The following SGPP2 variants were observed in gnomAD, a reference collection of about 807,000 sequenced individuals.
SGPP2 encodes sphingosine 1-phosphate phosphohydrolase 2.
A neutral mutation model predicts 33.9 loss-of-function variants in SGPP2; 30 were observed. The observed-to-expected ratio is 0.89, with a 90% confidence interval of 0.66 to 1.20. SGPP2 has a LOEUF of 1.20. Ranked by LOEUF, SGPP2 falls within the 50% of genes most tolerant of loss-of-function variation. The pLI is 0.00. For synonymous variants in SGPP2, 233 were observed against 225.0 expected, an observed-to-expected ratio of 1.04 and a Z score of -0.32; for missense variants, 458 against 532.1, an observed-to-expected ratio of 0.86 and a Z score of 1.37.
chr2:222,441,573 G>A (rs1377416882), intron 1 of SGPP2, among the ~76,000 whole-genome samples: 2 of 152,156 alleles, frequency 1.3e-5, no homozygotes, highest in Non-Finnish European at 2.9e-5. Flanking sequence ...AAAGGATCTG[G>A]AGTGATGAAC....
chr2:222,504,266 A>G (rs1698411284), intron 2 of SGPP2: 1 of 152,310 alleles, frequency 6.6e-6, no homozygotes, highest in Non-Finnish European at 1.5e-5. Flanking sequence ...GATAATGACC[A>G]CTGACATGAC....
chr2:222,464,049 A>G (rs1296499959), intron 1 of SGPP2, among the ~76,000 whole-genome samples: 1 of 152,230 alleles, frequency 6.6e-6, no homozygotes, highest in African/African-American at 2.4e-5. Context: ...AACATCATAC[A>G]GCTCTTCCAA....
intron 4 of SGPP2, among the ~76,000 whole-genome samples, chr2:222,527,583 G>T (rs1417205728): frequency 6.6e-6 from 1 of 152,224 alleles, no homozygotes; most frequent in Non-Finnish European, 1.5e-5. Flanking sequence ...CAGGGAAGGG[G>T]CACCGCCCCC....
At chr2:222,546,225 TAG>T (rs2106152259) in intron 4 of SGPP2, among the ~76,000 whole-genome samples, 1 of 152,340 alleles carries the variant, frequency 6.6e-6, no homozygotes, top group African/African-American at 2.4e-5. Flanking sequence ...TTCATGTGCA[TAG>T]GCCTGTGGCA....
At chr2:222,556,506 C>G (rs1407507052) in intron 4 of SGPP2, among the ~76,000 whole-genome samples, 1 of 140,654 alleles carries the variant, frequency 7.1e-6, no homozygotes, top group Non-Finnish European at 1.6e-5. Flanking sequence ...CATTCCTCCC[C>G]TGACCACCCT....
chr2:222,495,977 C>T (rs1243476654), intron 2 of SGPP2, among the ~76,000 whole-genome samples: 1 of 152,178 alleles, frequency 6.6e-6, no homozygotes, highest in Non-Finnish European at 1.5e-5. Context: ...TTCTCCTGAG[C>T]CTTGTTCATT....
intron 2 of SGPP2, among the ~76,000 whole-genome samples, chr2:222,474,980 T>A (rs1288470105): frequency 1.3e-5 from 2 of 152,214 alleles, no homozygotes; most frequent in South Asian, 2.1e-4. Flanking sequence ...CCTACATCTT[T>A]GCAGAATTCA....
At position 222,558,641 on chromosome 2, in the gene SGPP2, C is replaced by G. The variant is rs199579221; in HGVS notation, c.943C>G (p.Pro315Ala). ...TCTCCCTGTTATTCAGAACATCCCA[C>G]CACTCACCACCTACATGTTAGTTTT... Reference protein sequence around the residue: ...ESLPVIQNIPPLTTYMLVLGL... With the variant: ...ESLPVIQNIPALTTYMLVLGL... The change falls in exon 5 of 5, where the codon CCA becomes GCA. Residue 315 changes from proline to alanine, a missense_variant. Physicochemically the swap from Pro to Ala is conservative, Grantham distance 27. Coordinates refer to ENST00000321276, the MANE Select transcript of SGPP2 (RefSeq NM_152386.4). 90 of 1,614,076 alleles carry G rather than the reference C, an allele frequency of 5.6e-5. 1 individual carries two copies. The highest frequency in any genetic ancestry group is 1.6e-4 in the Middle Eastern group (1 of 6,084).
At position 222,476,091 on chromosome 2, in the gene SGPP2, A is replaced by G. The variant is rs923993948; in HGVS notation, c.378+1365A>G. ...AGCTGGTGGAGGGAACTTCCAGACA[A>G]GACTGTTGCCCTGACTCAAGATTCT... On this transcript the variant is annotated intron_variant, in intron 2 of 4. Transcript: ENST00000321276. This position sits in a 1 kb window ranked among gnomAD's most constrained non-coding sequence, Gnocchi z 4.3. 1.3e-5 allele frequency among the ~76,000 whole-genome samples: 2 copies of G among 152,238 alleles called. No individual in the cohort carries two copies. Among genetic ancestry groups the G allele is most frequent in the Admixed American group, 6.5e-5 (1 of 15,290 alleles).
chr2:222,510,768 G>A (rs1698515117), intron 2 of SGPP2, among the ~76,000 whole-genome samples: 1 of 152,124 alleles, frequency 6.6e-6, no homozygotes, highest in Non-Finnish European at 1.5e-5. Context: ...ACAAACAGGG[G>A]CAGCTCCGTA....
intron 4 of SGPP2, among the ~76,000 whole-genome samples, chr2:222,534,487 G>T (rs981931756): frequency 4.6e-5 from 7 of 151,728 alleles, no homozygotes; most frequent in African/African-American, 1.5e-4. Context: ...TTTAGTTTTG[G>T]TTGGAGTCAG....
intron 4 of SGPP2, among the ~76,000 whole-genome samples, chr2:222,530,525 C>T (rs1017885451): frequency 1.3e-5 from 2 of 152,228 alleles, no homozygotes; most frequent in Admixed American, 1.3e-4. Context: ...CCTTAAACCT[C>T]ATGAACCAAA....
chr2:222,524,810 A>T, intron 3 of SGPP2, 134 bp from the exon 4 acceptor site: 1 of 674,474 alleles, frequency 1.5e-6, no homozygotes, highest in Non-Finnish European at 2.5e-6. Flanking sequence ...TAAGTTAATC[A>T]GATTGCTGGT....
chr2:222,452,880 C>T, intron 1 of SGPP2: 2 of 1,607,090 alleles, frequency 1.2e-6, no homozygotes, highest in East Asian at 2.2e-5. Context: ...GTTCTGGAAC[C>T]AGGTCTTCAC....
intron 4 of SGPP2, among the ~76,000 whole-genome samples, chr2:222,526,565 G>A (rs1458429878): frequency 1.3e-5 from 2 of 152,144 alleles, no homozygotes; most frequent in African/African-American, 2.4e-5. Context: ...TGGGTTCTCT[G>A]GCATCTCTTT....
intron 1 of SGPP2, among the ~76,000 whole-genome samples, chr2:222,467,950 GAAAAAAAAAAAAAAAAAAAAAAAAAAA>G (rs61253653): frequency 4.0e-5 from 1 of 24,854 alleles, no homozygotes; most frequent in African/African-American, 6.1e-5. Flanking sequence ...GCTCTAATCT[GAAAAAAAAAAAAAAAAAAAAAAAAAAA>G]AAAAAAAAAA....
intron 4 of SGPP2, among the ~76,000 whole-genome samples, chr2:222,537,349 T>A (rs1490164955): frequency 1.3e-5 from 2 of 152,106 alleles, no homozygotes; most frequent in African/African-American, 4.8e-5. Flanking sequence ...ATGTAATAGG[T>A]GATAGACAAA....
At chr2:222,472,483 A>G (rs1302779802) in intron 1 of SGPP2, among the ~76,000 whole-genome samples, 3 of 152,112 alleles carry the variant, frequency 2.0e-5, no homozygotes, top group Non-Finnish European at 4.4e-5. Context: ...TCAAAAGACA[A>G]ATCTTAGGTT....
intron 1 of SGPP2, among the ~76,000 whole-genome samples, chr2:222,472,528 T>C (rs1479209533): frequency 6.6e-6 from 1 of 152,106 alleles, no homozygotes; most frequent in African/African-American, 2.4e-5. Flanking sequence ...ATGATGATGA[T>C]ACAGATATAG....
Sources: gnomAD v4.1 joint callset for allele counts (sites outside exome capture counted in the v4.1 genomes callset) on GRCh38, gnomAD v4.1.1 for gene constraint, Gnocchi (gnomAD v3.1) non-coding constraint, MANE v1.5 for transcripts, NCBI Gene and HGNC (gene_info 2026-07-23, HGNC 2026-07-21) for gene names.